Variants in ITGA8 observed in about 807,000 individuals in gnomAD.
ITGA8 encodes integrin subunit alpha 8, also known as integrin alpha-8.
Under a neutral mutation model 142.3 loss-of-function variants are expected in ITGA8, and 91 were observed. That is an observed-to-expected ratio of 0.64 (90% CI 0.54 to 0.76). The LOEUF is 0.76. Ranked by LOEUF, ITGA8 falls within the 30% of genes least tolerant of loss-of-function variation. The pLI is 0.00. For synonymous variants in ITGA8, 505 were observed against 485.2 expected, an observed-to-expected ratio of 1.04 and a Z score of -0.54; for missense variants, 1,406 against 1,327.7, an observed-to-expected ratio of 1.06 and a Z score of -0.92.
intron 2 of ITGA8, among the ~76,000 whole-genome samples, chr10:15,709,517 T>TGTC: frequency 6.6e-6 from 1 of 152,362 alleles, no homozygotes; most frequent in African/African-American, 2.4e-5. Context: ...CAATTCATGC[T>TGTC]ATGATGTTTG....
chr10:15,583,260 G>C (rs1417294009), intron 23 of ITGA8, among the ~76,000 whole-genome samples: 1 of 152,114 alleles, frequency 6.6e-6, no homozygotes, highest in African/African-American at 2.4e-5. Flanking sequence ...AACTAACACA[G>C]GAACAGAAAA....
intron 22 of ITGA8, among the ~76,000 whole-genome samples, chr10:15,588,186 G>A (rs1832864597): frequency 6.6e-6 from 1 of 152,172 alleles, no homozygotes; most frequent in Non-Finnish European, 1.5e-5. Flanking sequence ...AGCTGGAAAG[G>A]ATATGATAAA....
At chr10:15,613,219 G>A (rs1387268363) in intron 15 of ITGA8, among the ~76,000 whole-genome samples, 1 of 151,698 alleles carries the variant, frequency 6.6e-6, no homozygotes, top group African/African-American at 2.4e-5. Context: ...GACATTATAT[G>A]TGCTTGAAAA....
At chr10:15,627,972 T>G (rs1833615378) in intron 13 of ITGA8, among the ~76,000 whole-genome samples, 1 of 151,752 alleles carries the variant, frequency 6.6e-6, no homozygotes, top group South Asian at 2.1e-4. Context: ...GGGAGTGACC[T>G]CTGGTCCTGC....
At position 15,672,235 on chromosome 10, in the gene ITGA8, T is replaced by C. The variant is rs12249479; in HGVS notation, c.802+389A>G. Among the ~76,000 whole-genome samples the C allele has an allele frequency of 7.8e-3, 1,189 of 152,310 alleles. 12 individuals carry two copies. The highest frequency in any genetic ancestry group is 0.027 in the African/African-American group (1,138 of 41,552). On this transcript the variant is annotated intron_variant, in intron 7 of 29. Coordinates refer to ENST00000378076, the MANE Select transcript of ITGA8 (RefSeq NM_003638.3). Reference sequence around the variant, plus strand: ...GGAAACAGTAGTGGTGAAATGACATTGTGTGGTTTGTGCATAATATAATTT... The same window carrying C: ...GGAAACAGTAGTGGTGAAATGACATCGTGTGGTTTGTGCATAATATAATTT...
intron 11 of ITGA8, among the ~76,000 whole-genome samples, chr10:15,648,178 G>T (rs547038307): frequency 3.3e-5 from 5 of 152,150 alleles, no homozygotes; most frequent in Non-Finnish European, 7.4e-5. Context: ...AATTTTACAA[G>T]TCACACCAAC....
intron 2 of ITGA8, among the ~76,000 whole-genome samples, chr10:15,692,406 A>G (rs1023955821): frequency 2.0e-5 from 3 of 152,230 alleles, no homozygotes; most frequent in Non-Finnish European, 4.4e-5. Flanking sequence ...TAAGATTTGC[A>G]TTTCAGAGGT....
rs1340421094 is a variant in ITGA8, at chr10:15,684,138, T to C, written c.445-11A>G. The C allele has an allele frequency of 6.3e-7, 1 of 1,598,314 alleles. No homozygotes were observed. Among genetic ancestry groups the C allele is most frequent in the South Asian group, 1.1e-5 (1 of 87,358 alleles). ...TAAAGGAGCACAGGCCTAGGAAACATCAAAGACAAAAAAATACATTTTTGA... is the reference window on the plus strand; with the variant it reads ...TAAAGGAGCACAGGCCTAGGAAACACCAAAGACAAAAAAATACATTTTTGA... On this transcript the variant is annotated splice_polypyrimidine_tract_variant and intron_variant, in intron 3 of 29. Coordinates refer to ENST00000378076, the MANE Select transcript of ITGA8 (RefSeq NM_003638.3).
chr10:15,611,748 G>A (rs1443534423), intron 15 of ITGA8, among the ~76,000 whole-genome samples: 1 of 151,658 alleles, frequency 6.6e-6, no homozygotes, highest in Non-Finnish European at 1.5e-5. Flanking sequence ...CAAAGTGCTG[G>A]GATTACAGGC....
At chr10:15,683,307 ACCCACC>A (rs1834775177) in intron 4 of ITGA8, among the ~76,000 whole-genome samples, 1 of 10,334 alleles carries the variant, frequency 9.7e-5, no homozygotes, top group Admixed American at 1.5e-3. Context: ...CCATCCACCC[ACCCACC>A]CACCCACCCA....
Position 15,604,319 on chromosome 10 carries a change from G to C in ITGA8, c.2007C>G (p.His669Gln). 1.2e-6 allele frequency: 2 copies of C among 1,612,288 alleles called. No homozygotes were observed. The highest frequency in any genetic ancestry group is 1.7e-4 in the Middle Eastern group (1 of 6,054). Residue 669 changes from histidine (H) to glutamine (Q), a missense_variant, in exon 20 of 30, where the codon CAC becomes CAG. By Grantham distance (24) the His-to-Gln change is conservative. Coordinates refer to ENST00000378076, the MANE Select transcript of ITGA8 (RefSeq NM_003638.3). ...KHQVIIGDEN[H>Q]LMLIINARNE... ...TTCTTGCATTTATTATGAGCATAAG[G>C]TGATTTTCATCTCCAATGATTACCT... is the stretch of plus-strand genomic sequence containing the variant.
At chr10:15,562,312 G>A (rs1833998993) in intron 25 of ITGA8, among the ~76,000 whole-genome samples, 1 of 152,240 alleles carries the variant, frequency 6.6e-6, no homozygotes, top group Non-Finnish European at 1.5e-5. Context: ...CTGCGAAGCT[G>A]GCGGCTCCGT....
chr10:15,619,465 A>G (rs920847898), intron 13 of ITGA8, among the ~76,000 whole-genome samples: 2 of 152,188 alleles, frequency 1.3e-5, no homozygotes, highest in African/African-American at 4.8e-5. Flanking sequence ...GACGTCATCT[A>G]AAGAGCTCCA....
intron 27 of ITGA8, among the ~76,000 whole-genome samples, chr10:15,535,765 T>C (rs1414934090): frequency 1.3e-5 from 2 of 152,128 alleles, no homozygotes; most frequent in Non-Finnish European, 2.9e-5. Context: ...GCAGGCTGCC[T>C]GGGACAGCAG....
chr10:15,701,838 A>C (rs191135725), intron 2 of ITGA8, among the ~76,000 whole-genome samples: 1 of 152,342 alleles, frequency 6.6e-6, no homozygotes, highest in Admixed American at 6.5e-5. Context: ...CTTTTTAATC[A>C]TGAAAAGGGT....
intron 15 of ITGA8, among the ~76,000 whole-genome samples, chr10:15,613,293 G>T (rs1197084924): frequency 6.6e-6 from 1 of 152,050 alleles, no homozygotes; most frequent in Non-Finnish European, 1.5e-5. Flanking sequence ...TTTTACCTTG[G>T]TTAGTGTTTA....
At chr10:15,685,956 C>T (rs1767952194) in intron 3 of ITGA8, among the ~76,000 whole-genome samples, 4 of 152,120 alleles carry the variant, frequency 2.6e-5, no homozygotes, top group African/African-American at 7.2e-5. Context: ...GAAATAAATG[C>T]ATATAAAACA....
chr10:15,549,453 C>T (rs1438821280), intron 26 of ITGA8, among the ~76,000 whole-genome samples: 1 of 152,042 alleles, frequency 6.6e-6, no homozygotes, highest in Non-Finnish European at 1.5e-5. Flanking sequence ...TCAGGTGATC[C>T]ACCCGCCTCG....
chr10:15,616,706 G>A (rs1192385418), intron 13 of ITGA8, 147 bp from the exon 14 acceptor site: 4 of 696,454 alleles, frequency 5.7e-6, no homozygotes, highest in South Asian at 1.7e-5. Context: ...CCTTTCTTAA[G>A]GCATTTTGGA....
Sources: allele counts gnomAD v4.1 joint callset (sites outside exome capture counted in the v4.1 genomes callset), GRCh38; gene constraint gnomAD v4.1.1; transcripts MANE v1.5; gene names NCBI Gene and HGNC (gene_info 2026-07-23, HGNC 2026-07-21).